HERC1: variants seen among roughly 807,000 people sequenced by gnomAD.
The protein encoded by HERC1 is probable E3 ubiquitin-protein ligase HERC1.
Under a neutral mutation model 554.3 loss-of-function variants are expected in HERC1, and 160 were observed. That is an observed-to-expected ratio of 0.29 (90% CI 0.25 to 0.33). The LOEUF (loss-of-function observed/expected upper bound fraction) is 0.33. Among genes scored for constraint, HERC1 ranks in the 10% least tolerant of loss-of-function variants. The probability of loss-of-function intolerance (pLI) is 1.00; values close to 1 mark genes in which losing one functional copy is unlikely to be tolerated. For synonymous variants in HERC1, 2,175 were observed against 2,131.7 expected (o/e 1.02, Z -0.56); for missense variants, 4,919 against 5,918.5 (o/e 0.83, Z 5.54).
intron 8 of HERC1, among the ~76,000 whole-genome samples, chr15:63,750,795 T>C (rs952791883): frequency 3.9e-5 from 6 of 152,016 alleles, no homozygotes; most frequent in Admixed American, 3.9e-4. Flanking sequence ...TGGTCAAGCA[T>C]TGTGGCACAG....
intron 27 of HERC1, among the ~76,000 whole-genome samples, chr15:63,695,912 G>A (rs1334739278): frequency 2.0e-5 from 3 of 152,004 alleles, no homozygotes; most frequent in Non-Finnish European, 4.4e-5. Flanking sequence ...TAATAAAACC[G>A]AGCCAGCAAA....
At chr15:63,646,649 A>G (rs2069360095) in intron 55 of HERC1, among the ~76,000 whole-genome samples, 1 of 151,796 alleles carries the variant, frequency 6.6e-6, no homozygotes, top group Non-Finnish European at 1.5e-5. Flanking sequence ...AAAATACAAA[A>G]AAAAAAAAAT....
intron 33 of HERC1, among the ~76,000 whole-genome samples, chr15:63,687,492 C>T (rs2071838201): frequency 1.3e-5 from 2 of 151,532 alleles, no homozygotes; most frequent in Non-Finnish European, 2.9e-5. Flanking sequence ...AAGCAGAAAT[C>T]GCGCCACTGC....
At chr15:63,643,288 T>A in intron 58 of HERC1, 116 bp downstream of exon 58, 1 of 948,828 alleles carries the variant, frequency 1.1e-6, no homozygotes, top group South Asian at 1.8e-5. Flanking sequence ...AGAAGTTTCC[T>A]CAGTATTCAA....
At position 63,751,352 on chromosome 15, in the gene HERC1, G is replaced by A. The variant is rs148596597; in HGVS notation, c.1903-1561C>T. Among the ~76,000 whole-genome samples the A allele has an allele frequency of 9.9e-4, 151 of 152,290 alleles. 3 individuals carry two copies. Among genetic ancestry groups the A allele is most frequent in the African/African-American group, 3.4e-3 (142 of 41,546 alleles). On this transcript the variant is annotated intron_variant, in intron 8 of 77. Transcript: ENST00000443617. ...CAATAGGCTATACCATATAGTCTAG[G>A]AGCGTAGTAGGCTACACCATCTAGG...
chr15:63,790,669 G>T (rs2076621060), intron 1 of HERC1, among the ~76,000 whole-genome samples: 1 of 152,016 alleles, frequency 6.6e-6, no homozygotes, highest in Non-Finnish European at 1.5e-5. Context: ...GGGTTGGTGG[G>T]TATCAAACAG....
chr15:63,744,284 T>C (rs1226782747), intron 12 of HERC1, among the ~76,000 whole-genome samples: 2 of 151,964 alleles, frequency 1.3e-5, no homozygotes, highest in African/African-American at 4.8e-5. Flanking sequence ...GGGTCAGACC[T>C]AAAGCTAGCA....
At chr15:63,714,545 G>GTTTTT (rs773905620) in intron 22 of HERC1, among the ~76,000 whole-genome samples, 6 of 95,792 alleles carry the variant, frequency 6.3e-5, no homozygotes, top group African/African-American at 1.6e-4. Context: ...TCCTTTTTCT[G>GTTTTT]TTTTTTTTTT....
chr15:63,657,444 T>C (rs1343660512), intron 48 of HERC1, among the ~76,000 whole-genome samples: 1 of 152,136 alleles, frequency 6.6e-6, no homozygotes, highest in Non-Finnish European at 1.5e-5. Context: ...AGATCCTCTT[T>C]TGTGAAACAC....
At chr15:63,657,829 G>A (rs1409914749) in intron 48 of HERC1, among the ~76,000 whole-genome samples, 1 of 151,792 alleles carries the variant, frequency 6.6e-6, no homozygotes, top group African/African-American at 2.4e-5. Flanking sequence ...TGGGACCAAG[G>A]CTTTTTTTTT....
At chr15:63,728,108 CTCAT>C (rs923713468) in intron 16 of HERC1, among the ~76,000 whole-genome samples, 1 of 152,094 alleles carries the variant, frequency 6.6e-6, no homozygotes, top group Non-Finnish European at 1.5e-5. Flanking sequence ...TTATGAATTT[CTCAT>C]TCATTAATTT....
intron 24 of HERC1, among the ~76,000 whole-genome samples, chr15:63,707,824 G>A (rs192130788): frequency 2.6e-5 from 4 of 151,602 alleles, no homozygotes. Context: ...AGCTACTTGG[G>A]AGGCTAAGGC....
At chr15:63,787,482 A>G (rs2076495503) in intron 1 of HERC1, among the ~76,000 whole-genome samples, 2 of 152,194 alleles carry the variant, frequency 1.3e-5, no homozygotes, top group Admixed American at 6.5e-5. Flanking sequence ...TTAAAAAAAT[A>G]TATCTGGCAG....
chr15:63,813,851 T>G (rs941838463), intron 1 of HERC1, among the ~76,000 whole-genome samples: 1 of 152,052 alleles, frequency 6.6e-6, no homozygotes, highest in Non-Finnish European at 1.5e-5. Flanking sequence ...GTGGATCACC[T>G]GAGGTCAGGA....
intron 33 of HERC1, among the ~76,000 whole-genome samples, chr15:63,688,355 T>C (rs2071902138): frequency 6.6e-6 from 1 of 152,132 alleles, no homozygotes; most frequent in African/African-American, 2.4e-5. Flanking sequence ...CAGAACGTGA[T>C]TAAGGGTGCC....
chr15:63,777,639 C>T (rs1225797671), intron 1 of HERC1, among the ~76,000 whole-genome samples: 2 of 152,156 alleles, frequency 1.3e-5, no homozygotes, highest in African/African-American at 4.8e-5. Flanking sequence ...TATTTTATCA[C>T]AGTCTGTCCT....
intron 32 of HERC1, 111 bp downstream of exon 32, chr15:63,690,430 T>A: frequency 1.5e-6 from 1 of 665,468 alleles, no homozygotes; most frequent in Non-Finnish European, 2.5e-6. Context: ...GTAAACGTTA[T>A]GCTATTGAAT....
At chr15:63,614,440 A>G (rs1017307644) in intron 76 of HERC1, among the ~76,000 whole-genome samples, 1 of 152,224 alleles carries the variant, frequency 6.6e-6, no homozygotes, top group Admixed American at 6.5e-5. Context: ...CTGAGGATTA[A>G]AAATATTCAT....
At chr15:63,767,363 AAAC>A (rs1465885222) in intron 2 of HERC1, among the ~76,000 whole-genome samples, 3 of 152,158 alleles carry the variant, frequency 2.0e-5, no homozygotes, top group African/African-American at 7.2e-5. Context: ...CAGGTAAATA[AAAC>A]AATGGTGAAC....
Sources: allele counts gnomAD v4.1 joint callset (sites outside exome capture counted in the v4.1 genomes callset), GRCh38; gene constraint gnomAD v4.1.1; transcripts MANE v1.5; gene names NCBI Gene and HGNC (gene_info 2026-07-23, HGNC 2026-07-21).